RHOBTB1: variants seen among roughly 807,000 people sequenced by gnomAD.
The protein encoded by RHOBTB1 is Rho related BTB domain containing 1.
A neutral mutation model predicts 71.6 loss-of-function variants in RHOBTB1; 40 were observed. The observed-to-expected ratio is 0.56, with a 90% confidence interval of 0.43 to 0.73. The LOEUF is 0.73. Among genes scored for constraint, RHOBTB1 ranks in the 30% least tolerant of loss-of-function variants. The pLI is 0.00. For missense variants in RHOBTB1, 797 were observed against 894.0 expected (o/e 0.89, Z 1.38); for synonymous variants, 319 against 334.9 (o/e 0.95, Z 0.52).
At chr10:60,954,507 T>C (rs1210592346) in intron 2 of RHOBTB1, among the ~76,000 whole-genome samples, 2 of 152,198 alleles carry the variant, frequency 1.3e-5, no homozygotes, top group African/African-American at 4.8e-5. Context: ...TGGCTTGGGT[T>C]TAGGGTTGCC....
At chr10:60,861,136 C>T in the RHOBTB1 span, among the ~76,000 whole-genome samples, 27 of 152,206 alleles carry the variant, frequency 1.8e-4, no homozygotes, top group South Asian at 2.1e-3. Flanking sequence ...CTGACGGAAC[C>T]GGTTACCTCC....
At chr10:60,876,522 TTACA>T (rs2081060762) in intron 8 of RHOBTB1, among the ~76,000 whole-genome samples, 2 of 152,206 alleles carry the variant, frequency 1.3e-5, no homozygotes, top group South Asian at 4.1e-4. Flanking sequence ...TGGCTCCAAA[TTACA>T]TTTGACAGTT....
chr10:60,969,777 A>G (rs1455267593), intron 2 of RHOBTB1, among the ~76,000 whole-genome samples: 1 of 152,120 alleles, frequency 6.6e-6, no homozygotes, highest in African/African-American at 2.4e-5. Context: ...CTAGGCATTT[A>G]TTACATCATA....
At chr10:60,941,433 T>C (rs780113975) in intron 2 of RHOBTB1, among the ~76,000 whole-genome samples, 2 of 152,030 alleles carry the variant, frequency 1.3e-5, no homozygotes, top group Non-Finnish European at 2.9e-5. Flanking sequence ...AATAAGTCAA[T>C]TATTACTATA....
At chr10:60,914,120 A>G (rs764431740) in intron 2 of RHOBTB1, among the ~76,000 whole-genome samples, 1 of 152,212 alleles carries the variant, frequency 6.6e-6, no homozygotes, top group Non-Finnish European at 1.5e-5. Flanking sequence ...GCAGTAACTC[A>G]CTGAAAATTA....
chr10:60,885,545 G>A (rs2081529832), intron 7 of RHOBTB1, among the ~76,000 whole-genome samples: 1 of 152,138 alleles, frequency 6.6e-6, no homozygotes, highest in African/African-American at 2.4e-5. Context: ...GCAGAGTCAG[G>A]GCAGAGCCTT....
In RHOBTB1 at chr10:60,888,532, A is replaced by G. The variant is rs1340426023; in HGVS notation, c.1136T>C (p.Ile379Thr). ...GACTTGCATTTCCCTGTGCATGCCAATGAACCCCTTACTCCATCCGGTCAA... is the reference window on the plus strand; with the variant it reads ...GACTTGCATTTCCCTGTGCATGCCAGTGAACCCCTTACTCCATCCGGTCAA... ...QTLTGWSKGF[I>T]GMHREMQVNP... The change falls in exon 6 of 11, where the codon ATT (isoleucine) becomes ACT (threonine). Residue 379 changes from isoleucine to threonine, a missense_variant. Physicochemically the swap from Ile to Thr is moderately conservative, Grantham distance 89. Coordinates refer to ENST00000337910, the MANE Select transcript of RHOBTB1 (RefSeq NM_014836.5). The G allele has an allele frequency of 3.7e-6, 6 of 1,614,184 alleles. No homozygotes were observed. Among genetic ancestry groups the G allele is most frequent in the East Asian group, 4.5e-5 (2 of 44,868 alleles).
At chr10:60,939,547 C>T (rs2084788557) in intron 2 of RHOBTB1, among the ~76,000 whole-genome samples, 1 of 152,154 alleles carries the variant, frequency 6.6e-6, no homozygotes, top group African/African-American at 2.4e-5. Flanking sequence ...TCTACACACA[C>T]TTTTTGGAAC....
chr10:60,976,713 G>C (rs1375657955), intron 2 of RHOBTB1, among the ~76,000 whole-genome samples: 1 of 151,820 alleles, frequency 6.6e-6, no homozygotes, highest in Non-Finnish European at 1.5e-5. Context: ...AATGTAATGG[G>C]TTTTATATTT....
At chr10:60,881,711 C>T (rs947956901) in intron 7 of RHOBTB1, among the ~76,000 whole-genome samples, 7 of 152,228 alleles carry the variant, frequency 4.6e-5, no homozygotes, top group African/African-American at 1.4e-4. Flanking sequence ...ATTACCTTAG[C>T]GTTTTTTGGC....
the RHOBTB1 span, among the ~76,000 whole-genome samples, chr10:60,862,559 C>CTTCTTTCTTTTTTCTTTCTTTCCT: frequency 2.7e-5 from 4 of 147,934 alleles, no homozygotes; most frequent in African/African-American, 1.0e-4. Context: ...TCTTTCCTTT[C>CTTCTTTCTTTTTTCTTTCTTTCCT]TTCTTTCTTT....
chr10:60,908,933 T>A lies in RHOBTB1; in HGVS notation c.296+1954A>T, dbSNP rs61631054. On this transcript the variant is annotated intron_variant, in intron 4 of 10. Coordinates refer to ENST00000337910, the MANE Select transcript of RHOBTB1 (RefSeq NM_014836.5). ...AAGCCCCTCAATGTTGCTCAGAGAATCAAACTTGGCTTGGGGGAGCACTTC... is the reference window on the plus strand; with the variant it reads ...AAGCCCCTCAATGTTGCTCAGAGAAACAAACTTGGCTTGGGGGAGCACTTC... Among the ~76,000 whole-genome samples, 116 of 152,226 alleles carry A rather than the reference T, an allele frequency of 7.6e-4. 1 individual carries two copies. The East Asian group carries it at 0.02, about 26-fold the overall frequency.
intron 2 of RHOBTB1, among the ~76,000 whole-genome samples, chr10:60,975,122 A>T (rs2086274639): frequency 6.6e-6 from 1 of 152,044 alleles, no homozygotes; most frequent in Non-Finnish European, 1.5e-5. Flanking sequence ...ATATTGACTG[A>T]TTGCTGTATT....
At chr10:60,948,257 A>C (rs2085300827), upstream of RHOBTB1, among the ~76,000 whole-genome samples, 1 of 152,218 alleles carries the variant, frequency 6.6e-6, no homozygotes, top group African/African-American at 2.4e-5. Flanking sequence ...TACCATCCCA[A>C]GGGAACTCTA....
At chr10:60,929,588 C>T (rs1225043978) in intron 2 of RHOBTB1, among the ~76,000 whole-genome samples, 1 of 152,004 alleles carries the variant, frequency 6.6e-6, no homozygotes, top group African/African-American at 2.4e-5. Flanking sequence ...TAAGATCATC[C>T]TACATAGTTA....
chr10:60,898,279 T>C (rs1417753906), intron 4 of RHOBTB1, among the ~76,000 whole-genome samples: 1 of 152,178 alleles, frequency 6.6e-6, no homozygotes, highest in Non-Finnish European at 1.5e-5. Context: ...TTCAAGCTTC[T>C]TTTTCCCTGC....
At chr10:60,965,732 C>T (rs928998074) in intron 2 of RHOBTB1, among the ~76,000 whole-genome samples, 5 of 151,934 alleles carry the variant, frequency 3.3e-5, no homozygotes, top group Non-Finnish European at 7.4e-5. Context: ...ATGGTCTATC[C>T]GTAGTTGGGG....
At chr10:60,862,859 C>T in the RHOBTB1 span, among the ~76,000 whole-genome samples, 1 of 122,338 alleles carries the variant, frequency 8.2e-6, no homozygotes, top group East Asian at 2.6e-4. Context: ...CTCCCTCCCT[C>T]CCTCCCTTCC....
intron 2 of RHOBTB1, among the ~76,000 whole-genome samples, chr10:60,918,701 C>T (rs1402870490): frequency 6.6e-6 from 1 of 152,118 alleles, no homozygotes; most frequent in African/African-American, 2.4e-5. Context: ...TGCATCTTAT[C>T]ACTTACACTA....
Sources: gnomAD v4.1 joint callset for allele counts (sites outside exome capture counted in the v4.1 genomes callset) on GRCh38, gnomAD v4.1.1 for gene constraint, MANE v1.5 for transcripts, NCBI Gene and HGNC (gene_info 2026-07-23, HGNC 2026-07-21) for gene names.